Variants in SRGAP2B observed in about 807,000 individuals in gnomAD.
The protein encoded by SRGAP2B is SLIT-ROBO Rho GTPase-activating protein 2B.
A neutral mutation model predicts 22.2 loss-of-function variants in SRGAP2B; 9 were observed. The ratio of observed to expected loss-of-function variants is 0.41; its 90% confidence interval spans 0.24 to 0.71. The LOEUF (loss-of-function observed/expected upper bound fraction) is 0.71. Ranked by LOEUF, SRGAP2B falls within the 30% of genes least tolerant of loss-of-function variation. The pLI is 0.35. For synonymous variants in SRGAP2B, 36 were observed against 87.4 expected, an observed-to-expected ratio of 0.41 and a Z score of 3.28; for missense variants, 114 against 235.8, an observed-to-expected ratio of 0.48 and a Z score of 3.38.
chr1:144,997,667 A>C (rs1670801327), intron 2 of SRGAP2B, among the ~76,000 whole-genome samples: 1 of 146,990 alleles, frequency 6.8e-6, no homozygotes, highest in Non-Finnish European at 1.5e-5. Flanking sequence ...GACAAGGCAA[A>C]GTCCCATGAA....
intron 4 of SRGAP2B, among the ~76,000 whole-genome samples, chr1:144,937,144 T>A (rs1665707015): frequency 6.8e-6 from 1 of 146,346 alleles, no homozygotes; most frequent in Admixed American, 6.8e-5. Context: ...CTTTCAAGAA[T>A]TTTTCTTAAA....
chr1:144,911,917 C>A (rs1244105672), intron 5 of SRGAP2B, among the ~76,000 whole-genome samples: 1 of 134,110 alleles, frequency 7.5e-6, no homozygotes, highest in Middle Eastern at 4.3e-3. Flanking sequence ...CTGTGACCGG[C>A]TATTCTCTGA....
intron 2 of SRGAP2B, among the ~76,000 whole-genome samples, chr1:144,997,242 CA>C (rs1374610649): frequency 6.6e-6 from 1 of 150,718 alleles, no homozygotes; most frequent in Non-Finnish European, 1.5e-5. Context: ...TCATGGCTAA[CA>C]TGGTGAAACC....
intron 3 of SRGAP2B, among the ~76,000 whole-genome samples, chr1:144,966,040 G>A (rs1258025900): frequency 1.3e-5 from 2 of 150,586 alleles, no homozygotes; most frequent in African/African-American, 5.0e-5. Flanking sequence ...GTGAGGCGGA[G>A]AATGGAACCA....
At chr1:144,892,657 A>G (rs1435633128) in intron 9 of SRGAP2B, among the ~76,000 whole-genome samples, 1 of 149,410 alleles carries the variant, frequency 6.7e-6, no homozygotes, top group Non-Finnish European at 1.5e-5. Flanking sequence ...ATTTAATATT[A>G]GCATTATTAT....
chr1:144,933,407 T>C (rs1553605936), intron 4 of SRGAP2B, among the ~76,000 whole-genome samples: 1 of 148,938 alleles, frequency 6.7e-6, no homozygotes, highest in Non-Finnish European at 1.5e-5. Context: ...CTCCAGAATA[T>C]AAGAGGGGTG....
At chr1:145,080,247 T>C (rs1418625062) in intron 2 of SRGAP2B, among the ~76,000 whole-genome samples, 4 of 148,750 alleles carry the variant, frequency 2.7e-5, no homozygotes, top group African/African-American at 1.0e-4. Flanking sequence ...ATTAAAGTGA[T>C]CCAGTCACAA....
chr1:145,019,557 TG>T (rs1220859317), intron 2 of SRGAP2B, among the ~76,000 whole-genome samples: 1 of 67,218 alleles, frequency 1.5e-5, no homozygotes, highest in Non-Finnish European at 2.9e-5. Context: ...GAATGGGGGG[TG>T]GGGGCGCATG....
intron 2 of SRGAP2B, among the ~76,000 whole-genome samples, chr1:145,022,044 G>A (rs1240350861): frequency 6.9e-6 from 1 of 144,962 alleles, no homozygotes; most frequent in Non-Finnish European, 1.5e-5. Flanking sequence ...TTTCACTGTG[G>A]AACTCATGCC....
intron 2 of SRGAP2B, among the ~76,000 whole-genome samples, chr1:145,081,715 T>A (rs1198923434): frequency 1.4e-5 from 2 of 147,924 alleles, no homozygotes; most frequent in Non-Finnish European, 3.0e-5. Context: ...GGAAGCAGAT[T>A]TCTAAGGGAT....
At chr1:145,064,572 C>A (rs1384367028) in intron 2 of SRGAP2B, among the ~76,000 whole-genome samples, 1 of 144,486 alleles carries the variant, frequency 6.9e-6, no homozygotes, top group African/African-American at 2.7e-5. Context: ...CCCCCTTCAG[C>A]AAAGCCAGAA....
At chr1:144,941,489 A>G (rs1666044641) in intron 4 of SRGAP2B, among the ~76,000 whole-genome samples, 3 of 149,554 alleles carry the variant, frequency 2.0e-5, no homozygotes, top group Admixed American at 6.6e-5. Flanking sequence ...TGTAGAGAAC[A>G]GAGAAAAAGG....
intron 3 of SRGAP2B, among the ~76,000 whole-genome samples, chr1:144,956,743 C>T (rs1252760269): frequency 2.0e-5 from 3 of 150,276 alleles, no homozygotes; most frequent in Non-Finnish European, 4.4e-5. Context: ...CCACCGCGCC[C>T]GGCCCTAGAT....
At chr1:145,068,983 C>T (rs1366061030) in intron 2 of SRGAP2B, among the ~76,000 whole-genome samples, 4 of 136,692 alleles carry the variant, frequency 2.9e-5, no homozygotes, top group African/African-American at 5.4e-5. Flanking sequence ...CAACATGTAA[C>T]CAGAAGAACT....
chr1:144,982,997 A>T (rs1239093102), intron 3 of SRGAP2B, among the ~76,000 whole-genome samples: 3 of 149,148 alleles, frequency 2.0e-5, no homozygotes, highest in Non-Finnish European at 3.0e-5. Flanking sequence ...GGAGAAGGGA[A>T]GCCAACCCTT....
chr1:144,975,868 C>CTTT (rs56268353), intron 3 of SRGAP2B, among the ~76,000 whole-genome samples: 13 of 27,328 alleles, frequency 4.8e-4, no homozygotes, highest in African/African-American at 8.5e-4. Context: ...GTTAGTAATT[C>CTTT]TTTTTTTTTT....
At chr1:144,909,090 C>A (rs1663206717) in intron 5 of SRGAP2B, among the ~76,000 whole-genome samples, 2 of 148,322 alleles carry the variant, frequency 1.3e-5, no homozygotes, top group African/African-American at 2.6e-5. Flanking sequence ...AAATGATTAT[C>A]ATTTAGGTAT....
At chr1:144,929,341 T>G (rs1665009377) in intron 4 of SRGAP2B, among the ~76,000 whole-genome samples, 1 of 149,426 alleles carries the variant, frequency 6.7e-6, no homozygotes, top group Non-Finnish European at 1.5e-5. Flanking sequence ...TTTTCTTTTG[T>G]CGCTTGTGCT....
chr1:144,966,124 T>G (rs1443051641), intron 3 of SRGAP2B, among the ~76,000 whole-genome samples: 1 of 147,676 alleles, frequency 6.8e-6, no homozygotes. Flanking sequence ...ACGTTCAGAT[T>G]CAGGAAATAC....
Sources: allele counts gnomAD v4.1 joint callset (sites outside exome capture counted in the v4.1 genomes callset), GRCh38; gene constraint gnomAD v4.1.1; transcripts MANE v1.5; gene names NCBI Gene and HGNC (gene_info 2026-07-23, HGNC 2026-07-21).